Variants in SLC68A1 observed in about 807,000 individuals in gnomAD.
SLC68A1 encodes major facilitator superfamily domain containing 13A.
chr10:102,462,488 G>A, the SLC68A1 span, among the ~76,000 whole-genome samples: 333 of 152,200 alleles, frequency 2.2e-3, 5 homozygotes, highest in Non-Finnish European at 2.1e-3. Context: ...CACTCCAGGG[G>A]CCCAGTTCGG....
chr10:102,471,553 G>T, the SLC68A1 span, among the ~76,000 whole-genome samples: 1 of 151,972 alleles, frequency 6.6e-6, no homozygotes, highest in Non-Finnish European at 1.5e-5. Flanking sequence ...TGAGGACAGG[G>T]GTTCGAGACC....
chr10:102,470,154 T>C, the SLC68A1 span: 41 of 1,343,648 alleles, frequency 3.1e-5, no homozygotes, highest in Non-Finnish European at 4.1e-5. Flanking sequence ...CTGCCTGTGT[T>C]TGGGGTGGGG....
chr10:102,462,460 G>A, the SLC68A1 span, among the ~76,000 whole-genome samples: 1 of 152,104 alleles, frequency 6.6e-6, no homozygotes. Flanking sequence ...AATGTCTCTT[G>A]TACAGTCTGA....
At chr10:102,473,724 G>T in the SLC68A1 span, 1 of 1,613,602 alleles carries the variant, frequency 6.2e-7, no homozygotes, top group Non-Finnish European at 8.5e-7. Flanking sequence ...TCAGCCTGCT[G>T]TGCCTCTTCA....
At chr10:102,468,919 C>T in the SLC68A1 span, 1 of 862,700 alleles carries the variant, frequency 1.2e-6, no homozygotes, top group African/African-American at 1.7e-5. Context: ...AGAGCTGGCT[C>T]TGATCCCTGT....
the SLC68A1 span, chr10:102,462,201 C>T: frequency 6.6e-6 from 1 of 152,238 alleles, no homozygotes; most frequent in Non-Finnish European, 1.5e-5. Flanking sequence ...AGACAAGACC[C>T]CGAGAGTGAA....
the SLC68A1 span, chr10:102,470,823 TCCTGACGCTCGTGGA>T: frequency 3.1e-6 from 5 of 1,613,692 alleles, no homozygotes; most frequent in Non-Finnish European, 4.2e-6. Context: ...TATGATGGCT[TCCTGACGCTCGTGGA>T]CCTGCACCAC....
the SLC68A1 span, chr10:102,471,341 G>C: frequency 6.2e-7 from 1 of 1,613,846 alleles, no homozygotes; most frequent in South Asian, 1.1e-5. Context: ...CGGTATCTCC[G>C]GCAGCTGGCA....
the SLC68A1 span, chr10:102,470,770 C>T: frequency 2.5e-6 from 4 of 1,614,010 alleles, no homozygotes; most frequent in South Asian, 4.4e-5. Flanking sequence ...TCTGGGTGCC[C>T]TGGGCCCCAG....
At chr10:102,469,231 G>C in the SLC68A1 span, 104 of 1,611,112 alleles carry the variant, frequency 6.5e-5, no homozygotes, top group Non-Finnish European at 8.3e-5. Flanking sequence ...ACATGGAGGA[G>C]GGGGTGGGGT....
chr10:102,471,415 G>A, the SLC68A1 span: 37 of 1,604,744 alleles, frequency 2.3e-5, no homozygotes, highest in Non-Finnish European at 3.1e-5. Flanking sequence ...AGCAGCTCCC[G>A]GCCCCTCTAC....
chr10:102,473,623 C>T, the SLC68A1 span: 17 of 1,613,984 alleles, frequency 1.1e-5, no homozygotes, highest in East Asian at 6.7e-5. Flanking sequence ...GTCCCTGTGC[C>T]GGCGCTGGGG....
the SLC68A1 span, chr10:102,476,192 C>T: frequency 1.4e-5 from 12 of 871,536 alleles, no homozygotes; most frequent in East Asian, 1.7e-4. Flanking sequence ...CTCAGCCTCC[C>T]GAGTAGGTGG....
the SLC68A1 span, chr10:102,469,994 CAG>C: frequency 6.2e-7 from 1 of 1,613,864 alleles, no homozygotes; most frequent in Non-Finnish European, 8.5e-7. Context: ...TGCCTGCAGA[CAG>C]TGTTTCTCCT....
the SLC68A1 span, chr10:102,475,852 G>A: frequency 3.7e-6 from 6 of 1,614,016 alleles, no homozygotes; most frequent in Non-Finnish European, 5.1e-6. Flanking sequence ...TGGTGCTGGT[G>A]CCCATCACCT....
the SLC68A1 span, chr10:102,472,782 C>G: frequency 2.7e-5 from 30 of 1,122,000 alleles, no homozygotes; most frequent in Middle Eastern, 3.9e-4. Context: ...GATGTGTGTT[C>G]CCCTGTTGGC....
chr10:102,470,752 C>A, the SLC68A1 span: 13 of 1,613,786 alleles, frequency 8.1e-6, no homozygotes, highest in Non-Finnish European at 8.5e-6. Flanking sequence ...CGCTGTCGTT[C>A]CTGGCGTTCT....
chr10:102,475,694 A>G, the SLC68A1 span: 2 of 1,556,300 alleles, frequency 1.3e-6, no homozygotes, highest in African/African-American at 1.4e-5. Context: ...TGGGCTGACC[A>G]TGGTCTTTCT....
At chr10:102,473,417 G>A in the SLC68A1 span, among the ~76,000 whole-genome samples, 1 of 152,286 alleles carries the variant, frequency 6.6e-6, no homozygotes, top group East Asian at 1.9e-4. Flanking sequence ...CTCACCTTAA[G>A]GGGCTGTGAA....
Sources: gnomAD v4.1 joint callset for allele counts (sites outside exome capture counted in the v4.1 genomes callset) on GRCh38, gnomAD v4.1.1 for gene constraint, MANE v1.5 for transcripts, NCBI Gene and HGNC (gene_info 2026-07-23, HGNC 2026-07-21) for gene names.